LAMA2: variants seen among roughly 807,000 people sequenced by gnomAD.
LAMA2 encodes the protein laminin subunit alpha-2.
In LAMA2, 269 loss-of-function variants were observed where a neutral mutation model predicts 364.8. That is an observed-to-expected ratio of 0.74 (90% CI 0.67 to 0.82). The LOEUF is 0.82. Ranked by LOEUF, LAMA2 falls within the 40% of genes least tolerant of loss-of-function variation. The pLI is 0.00. For missense variants in LAMA2, 3,807 were observed against 3,873.2 expected, an observed-to-expected ratio of 0.98 and a Z score of 0.45; for synonymous variants, 1,379 against 1,370.6, an observed-to-expected ratio of 1.01 and a Z score of -0.14.
intron 9 of LAMA2, among the ~76,000 whole-genome samples, chr6:129,170,338 G>A (rs1362912084): frequency 1.0e-4 from 15 of 147,198 alleles, no homozygotes; most frequent in African/African-American, 2.9e-4. Context: ...CTTTGAATGC[G>A]TCCCAGAGAT....
intron 1 of LAMA2, among the ~76,000 whole-genome samples, chr6:129,004,689 G>C (rs1003038116): frequency 1.3e-5 from 2 of 152,058 alleles, no homozygotes; most frequent in Non-Finnish European, 2.9e-5. Context: ...TAAGAATAGT[G>C]TACTTTTCTT....
chr6:129,443,376 AG>A (rs1464289671), intron 44 of LAMA2, among the ~76,000 whole-genome samples: 1 of 152,232 alleles, frequency 6.6e-6, no homozygotes, highest in Non-Finnish European at 1.5e-5. Context: ...TGAGGCCAGA[AG>A]TTTGAGATCA....
At chr6:128,960,377 C>A (rs1329871808) in intron 1 of LAMA2, among the ~76,000 whole-genome samples, 2 of 144,978 alleles carry the variant, frequency 1.4e-5, no homozygotes, top group African/African-American at 5.1e-5. Context: ...TCGCTCTTGT[C>A]CCCCAGGCTG....
chr6:129,138,871 G>T (rs1386664950), intron 4 of LAMA2, among the ~76,000 whole-genome samples: 2 of 152,132 alleles, frequency 1.3e-5, no homozygotes, highest in Non-Finnish European at 2.9e-5. Flanking sequence ...GTTGAGCACT[G>T]TGGTGCTCTA....
chr6:129,304,779 G>A (rs1259858292), intron 22 of LAMA2, among the ~76,000 whole-genome samples: 1 of 152,076 alleles, frequency 6.6e-6, no homozygotes, highest in Non-Finnish European at 1.5e-5. Context: ...GAATTTTCAA[G>A]GTATCGTTAC....
intron 35 of LAMA2, among the ~76,000 whole-genome samples, chr6:129,389,712 C>T (rs1779213328): frequency 6.6e-6 from 1 of 152,200 alleles, no homozygotes; most frequent in South Asian, 2.1e-4. Flanking sequence ...AAGCAAGGAC[C>T]TTCTTCACAT....
At position 129,072,992 on chromosome 6, in the gene LAMA2, T is replaced by C. The variant is rs533497499; in HGVS notation, c.396+13096T>C. Among the ~76,000 whole-genome samples, 7 of 152,292 alleles carry C rather than the reference T, an allele frequency of 4.6e-5. No individual in the cohort carries two copies. The East Asian group carries it at 9.6e-4, about 21-fold the overall frequency. ...TATTTATTTATTTCTGTTAGTAAAC[T>C]TCCATCAAGAAAGTATCCCATTTCT... On this transcript the variant is annotated intron_variant, in intron 3 of 64. Transcript: ENST00000421865.
intron 33 of LAMA2, among the ~76,000 whole-genome samples, chr6:129,366,707 A>G (rs1410068579): frequency 6.6e-6 from 1 of 152,184 alleles, no homozygotes; most frequent in East Asian, 1.9e-4. Flanking sequence ...ATAAAATTCA[A>G]ATTAAAAACA....
intron 3 of LAMA2, among the ~76,000 whole-genome samples, chr6:129,062,510 G>A (rs553798219): frequency 1.3e-5 from 2 of 152,160 alleles, no homozygotes; most frequent in East Asian, 3.9e-4. Flanking sequence ...GCTTCTATGG[G>A]ATAATATAGC....
chr6:129,159,974 T>C (rs2114985411), intron 8 of LAMA2, among the ~76,000 whole-genome samples: 1 of 152,216 alleles, frequency 6.6e-6, no homozygotes, highest in East Asian at 1.9e-4. Context: ...TGATATATTA[T>C]CATTTTTATA....
At chr6:129,508,090 C>T (rs1341258585) in intron 62 of LAMA2, among the ~76,000 whole-genome samples, 1 of 152,200 alleles carries the variant, frequency 6.6e-6, no homozygotes, top group African/African-American at 2.4e-5. Context: ...TTGATAGTGA[C>T]AATGACTGGC....
chr6:128,902,142 G>A (rs750705719), intron 1 of LAMA2, among the ~76,000 whole-genome samples: 2 of 152,188 alleles, frequency 1.3e-5, no homozygotes, highest in Non-Finnish European at 2.9e-5. Flanking sequence ...AGAACAGCAT[G>A]GGGGAATCAC....
At chr6:129,326,595 A>C (rs1209749890) in intron 28 of LAMA2, among the ~76,000 whole-genome samples, 1 of 151,432 alleles carries the variant, frequency 6.6e-6, no homozygotes, top group Non-Finnish European at 1.5e-5. Flanking sequence ...TAATTACAGT[A>C]ATAACTTAGT....
intron 12 of LAMA2, among the ~76,000 whole-genome samples, chr6:129,201,763 A>G (rs914819310): frequency 6.6e-6 from 1 of 152,244 alleles, no homozygotes; most frequent in Non-Finnish European, 1.5e-5. Flanking sequence ...CAAGCAGAGC[A>G]TATAAGCCAC....
chr6:129,207,101 G>C (rs1001716773), intron 12 of LAMA2, among the ~76,000 whole-genome samples: 3 of 152,246 alleles, frequency 2.0e-5, no homozygotes, highest in East Asian at 1.9e-4. Context: ...CACAGGAGCA[G>C]AGAGCATGCA....
At chr6:129,237,167 T>TA (rs1785050846) in intron 12 of LAMA2, among the ~76,000 whole-genome samples, 2 of 152,216 alleles carry the variant, frequency 1.3e-5, no homozygotes, top group South Asian at 4.1e-4. Flanking sequence ...TGAATGAACA[T>TA]ATCCAAAGCC....
At chr6:129,148,800 A>T (rs1000307379) in intron 6 of LAMA2, among the ~76,000 whole-genome samples, 179 bp from the exon 7 acceptor site, 2 of 152,040 alleles carry the variant, frequency 1.3e-5, no homozygotes, top group Admixed American at 6.6e-5. Context: ...CCTTAAGGTG[A>T]TGTTGATCAA....
At chr6:129,277,578 C>A (rs768694015) in intron 17 of LAMA2, among the ~76,000 whole-genome samples, 1 of 152,056 alleles carries the variant, frequency 6.6e-6, no homozygotes, top group African/African-American at 2.4e-5. Flanking sequence ...CAGTAGGTTT[C>A]AATGACAATT....
At chr6:129,203,225 A>G (rs542318090) in intron 12 of LAMA2, among the ~76,000 whole-genome samples, 9 of 152,364 alleles carry the variant, frequency 5.9e-5, no homozygotes, top group East Asian at 3.9e-4. Flanking sequence ...TAAACTCTCA[A>G]TGTAAAACTT....
Sources: allele counts gnomAD v4.1 joint callset (sites outside exome capture counted in the v4.1 genomes callset), GRCh38; gene constraint gnomAD v4.1.1; transcripts MANE v1.5; gene names NCBI Gene and HGNC (gene_info 2026-07-23, HGNC 2026-07-21).